Variants in SSR1 observed in about 807,000 individuals in gnomAD.
SSR1 encodes signal sequence receptor subunit 1.
SSR1 carries 13 observed loss-of-function variants against 36.1 expected under a neutral mutation model. The observed-to-expected ratio is 0.36, with a 90% CI of 0.23 to 0.57. SSR1 has a LOEUF of 0.57. SSR1 is among the 20% of genes least tolerant of loss of function. The pLI is 0.81. For synonymous variants in SSR1, 113 were observed against 118.9 expected (o/e 0.95, Z 0.32); for missense variants, 291 against 338.5 (o/e 0.86, Z 1.10).
At position 7,309,949 on chromosome 6, in the gene SSR1, C is replaced by A; in HGVS notation, c.160G>T (p.Ala54Ser). The A allele has an allele frequency of 6.2e-7, 1 of 1,613,836 alleles. No individual in the cohort carries two copies. The change falls in exon 2 of 8, where the codon GCC becomes TCC. Residue 54 changes from alanine (A) to serine (S), a missense_variant. Physicochemically the swap from Ala to Ser is moderately conservative, Grantham distance 99 (BLOSUM62 1). Coordinates refer to ENST00000244763, the MANE Select transcript of SSR1 (RefSeq NM_003144.5). ...GTGGGTTCATCTTCTTCTACCTCGG[C>A]TTCATCATCTTCATCCTCAATTATG... ...DSIIEDEDDE[A>S]EVEEDEPTDL...
rs745314343 is a variant in SSR1, at chr6:7,289,918, T to C, written c.807A>G (p.Pro269=). The change falls in exon 8 of 8, where the codon CCA becomes CCG. Residue 269 remains proline, a synonymous_variant. Transcript: ENST00000244763. ...GTGCCCGTTTCCTGGGCAACCTTCT[T>C]GGTGAAGCTTTATCTGGAAGAAAAG... ...ETLNQINKAS[P]RRLPRKRAQK... 71 of 1,542,296 alleles carry C rather than the reference T, an allele frequency of 4.6e-5. No homozygotes were observed. Among genetic ancestry groups the C allele is most frequent in the Non-Finnish European group, 5.6e-5 (65 of 1,155,816 alleles).
At chr6:7,296,724 G>A (rs960359577) in intron 6 of SSR1, among the ~76,000 whole-genome samples, 103 of 149,420 alleles carry the variant, frequency 6.9e-4, no homozygotes, top group African/African-American at 2.4e-3. Flanking sequence ...GAGGGTGAGT[G>A]AGGGAATGGG....
chr6:7,306,982 A>G (rs2842367), intron 2 of SSR1, among the ~76,000 whole-genome samples: 109,102 of 149,764 alleles, frequency 0.73, 40,833 homozygotes, highest in East Asian at 0.95. Context: ...GTCCTCAAAA[A>G]TTCTAAACCA....
chr6:7,303,882 A>G (rs3778325), intron 2 of SSR1, among the ~76,000 whole-genome samples: 70,694 of 151,958 alleles, frequency 0.47, 16,474 homozygotes, highest in East Asian at 0.57. Context: ...AGCTACTCGG[A>G]AGGCTAAGGC....
chr6:7,294,897 T>C (rs1021260384), intron 7 of SSR1, among the ~76,000 whole-genome samples: 1 of 152,206 alleles, frequency 6.6e-6, no homozygotes, highest in African/African-American at 2.4e-5. Flanking sequence ...AAAACTGAAA[T>C]GTATCTGTAA....
At chr6:7,296,605 C>T (rs1037119140) in intron 6 of SSR1, among the ~76,000 whole-genome samples, 1 of 151,202 alleles carries the variant, frequency 6.6e-6, no homozygotes, top group South Asian at 2.1e-4. Context: ...TTTATATTTT[C>T]CCACTGAGAG....
chr6:7,307,344 TTGAGA>T (rs1367979685), intron 2 of SSR1, among the ~76,000 whole-genome samples: 1 of 152,196 alleles, frequency 6.6e-6, no homozygotes, highest in Non-Finnish European at 1.5e-5. Flanking sequence ...ATTTTCTGAT[TTGAGA>T]TAAGTAACAA....
chr6:7,298,719 A>G (rs1179826954), intron 5 of SSR1, 28 bp downstream of exon 5: 2 of 1,560,912 alleles, frequency 1.3e-6, no homozygotes, highest in Non-Finnish European at 1.8e-6. Flanking sequence ...AGCAAAATCA[A>G]GATCTACATA....
In SSR1 at chr6:7,301,301, G is replaced by A; in HGVS notation, c.543+9C>T. The A allele has an allele frequency of 6.2e-7, 1 of 1,612,620 alleles. No individual in the cohort carries two copies. Among genetic ancestry groups the A allele is most frequent in the Non-Finnish European group, 8.5e-7 (1 of 1,179,510 alleles). Reference sequence around the variant, plus strand: ...AACTTAAACAAAAAGAAGGTTTAGAGGATCTTACGTTCAAATCTTTGTAGT... The same window carrying A: ...AACTTAAACAAAAAGAAGGTTTAGAAGATCTTACGTTCAAATCTTTGTAGT... On this transcript the variant is annotated intron_variant, in intron 4 of 7. Transcript: ENST00000244763.
Position 7,289,644 on chromosome 6 carries a change from ATAGAT to A in SSR1, c.*215_*219del, listed in dbSNP as rs374110199. 948 of 538,312 alleles carry A rather than the reference ATAGAT, an allele frequency of 1.8e-3. 9 individuals carry two copies. The highest frequency in any genetic ancestry group is 0.017 in the African/African-American group (848 of 49,712). The allele number at this position is 538,312 out of a possible 1,614,324, so 33.3% of individuals were successfully genotyped here. A position where few individuals can be genotyped will look rare whatever the true frequency, so the allele number is the denominator to read the frequency against. On this transcript the variant is annotated 3_prime_UTR_variant, in exon 8 of 8. Transcript: ENST00000244763. ...CTCACATACATACACACGCACACAC[ATAGAT>A]TTTAATGGTTTAAAAAAAAACCAAA...
At chr6:7,303,724 C>T in intron 2 of SSR1, 87 bp from the exon 3 acceptor site, 1 of 1,018,890 alleles carries the variant, frequency 9.8e-7, no homozygotes, top group East Asian at 2.5e-5. Context: ...GGCACGGTGG[C>T]TCACACTTAT....
chr6:7,291,470 C>A (rs1048308267), intron 7 of SSR1, among the ~76,000 whole-genome samples: 1 of 152,138 alleles, frequency 6.6e-6, no homozygotes, highest in African/African-American at 2.4e-5. Context: ...ACTGCCCTCA[C>A]TTTTCAAGTG....
chr6:7,301,337 G>T lies in SSR1; in HGVS notation c.516C>A (p.Val172=). The T allele has an allele frequency of 6.2e-7, 1 of 1,614,074 alleles. No homozygotes were observed. The highest frequency in any genetic ancestry group is 1.1e-5 in the South Asian group (1 of 91,032). The change falls in exon 4 of 8, where the codon GTC becomes GTA. Residue 172 remains valine (V), a synonymous_variant. Coordinates refer to ENST00000244763, the MANE Select transcript of SSR1 (RefSeq NM_003144.5). ...EPMGGRPFGL[V]INLNYKDLNG... is the part of the protein sequence containing the mutation. ...TCAAATCTTTGTAGTTCAGATTGAT[G>T]ACCAAACCAAATGGTCGTCCGCCCA...
rs1757616244 is a variant in SSR1, at chr6:7,288,944, C to T, written c.*920G>A. On this transcript the variant is annotated 3_prime_UTR_variant, in exon 8 of 8. Coordinates refer to ENST00000244763, the MANE Select transcript of SSR1 (RefSeq NM_003144.5). The stretch of plus-strand genomic sequence containing the variant: ...TTGATTAGGAGTAACTGGGAAATAT[C>T]TCTGTCCTGATAACTTGGTTTTCTG... 6.6e-6 allele frequency: 1 copy of T among 152,190 alleles called. No homozygotes were observed. The highest frequency in any genetic ancestry group is 1.5e-5 in the Non-Finnish European group (1 of 68,034). 9.4% of individuals were successfully genotyped at this position (152,190 alleles called of 1,614,324 possible).
intron 2 of SSR1, among the ~76,000 whole-genome samples, chr6:7,306,717 C>T (rs1052813278): frequency 2.6e-5 from 4 of 151,332 alleles, no homozygotes; most frequent in Admixed American, 6.6e-5. Flanking sequence ...GAGATCGAGA[C>T]CATCCTGGCT....
chr6:7,291,904 C>T (rs1307014187), intron 7 of SSR1, among the ~76,000 whole-genome samples: 1 of 151,744 alleles, frequency 6.6e-6, no homozygotes, highest in Non-Finnish European at 1.5e-5. Flanking sequence ...AAACCCCCTC[C>T]CTACAACAAA....
At position 7,313,111 on chromosome 6, in the gene SSR1, G is replaced by A. The variant is rs187485536; in HGVS notation, c.10C>T (p.Leu4Phe). Residue 4 changes from leucine to phenylalanine, a missense_variant, in exon 1 of 8, where the codon CTC becomes TTC. Leu to Phe is a conservative substitution (Grantham distance 22). Transcript: ENST00000244763. MRL[L>F]PRLLLLLLLV... is the part of the protein sequence containing the mutation. ...AAGAGAAGCAGCAGCAAGCGGGGGA[G>A]GAGTCTCATGGCGCTGCCGGTCCAG... The A allele has an allele frequency of 6.8e-6, 11 of 1,606,066 alleles. No homozygotes were observed. Among genetic ancestry groups the A allele is most frequent in the East Asian group, 2.3e-5 (1 of 44,056 alleles).
intron 1 of SSR1, among the ~76,000 whole-genome samples, chr6:7,311,262 A>C (rs939921218): frequency 7.9e-5 from 12 of 151,898 alleles, no homozygotes; most frequent in East Asian, 1.9e-4. Context: ...TACTCTAAGT[A>C]AGTCACATTA....
chr6:7,310,863 A>G (rs1011005285), intron 1 of SSR1, among the ~76,000 whole-genome samples: 2 of 152,220 alleles, frequency 1.3e-5, no homozygotes, highest in African/African-American at 4.8e-5. Flanking sequence ...GTGAGCCAAG[A>G]TTGTACCACT....
Sources: gnomAD v4.1 joint callset for allele counts (sites outside exome capture counted in the v4.1 genomes callset) on GRCh38, gnomAD v4.1.1 for gene constraint, MANE v1.5 for transcripts, NCBI Gene and HGNC (gene_info 2026-07-23, HGNC 2026-07-21) for gene names.